The following CACNA2D3 variants were observed in gnomAD, a reference collection of about 807,000 sequenced individuals.
The protein encoded by CACNA2D3 is voltage-dependent calcium channel subunit alpha-2/delta-3.
Under a neutral mutation model 160.6 loss-of-function variants are expected in CACNA2D3, and 60 were observed. The observed-to-expected ratio is 0.37, with a 90% CI of 0.30 to 0.46. The LOEUF is 0.46. CACNA2D3 is among the 20% of genes least tolerant of loss of function. The pLI is 1.00. For synonymous variants in CACNA2D3, 558 were observed against 492.9 expected (o/e 1.13, Z -1.75); for missense variants, 1,205 against 1,365.0 (o/e 0.88, Z 1.85).
intron 4 of CACNA2D3, among the ~76,000 whole-genome samples, chr3:54,404,277 A>C (rs771982613): frequency 6.6e-6 from 1 of 152,158 alleles, no homozygotes; most frequent in Non-Finnish European, 1.5e-5. Context: ...TTCAAGAACA[A>C]ATCAAGAAGA....
intron 27 of CACNA2D3, among the ~76,000 whole-genome samples, chr3:54,912,250 G>C (rs138833449): frequency 6.6e-6 from 1 of 152,228 alleles, no homozygotes; most frequent in African/African-American, 2.4e-5. Context: ...CTTAATCTTG[G>C]AATGGATATC....
At chr3:54,791,479 C>A (rs1702756776) in intron 13 of CACNA2D3, among the ~76,000 whole-genome samples, 2 of 152,162 alleles carry the variant, frequency 1.3e-5, no homozygotes, top group Admixed American at 1.3e-4. Flanking sequence ...TTGCATAATT[C>A]TTTTAAAAAG....
At chr3:54,149,942 TC>T (rs1700114660) in intron 2 of CACNA2D3, among the ~76,000 whole-genome samples, 1 of 54,782 alleles carries the variant, frequency 1.8e-5, no homozygotes, top group Non-Finnish European at 3.4e-5. Flanking sequence ...CCTCCCTCCC[TC>T]CCTCCCTCCC....
chr3:54,152,584 A>G (rs1700171797), intron 2 of CACNA2D3, among the ~76,000 whole-genome samples: 1 of 152,174 alleles, frequency 6.6e-6, no homozygotes, highest in Non-Finnish European at 1.5e-5. Flanking sequence ...CGATGGACGC[A>G]CTGAGTGGTA....
At chr3:54,126,299 G>T (rs61578424) in intron 2 of CACNA2D3, among the ~76,000 whole-genome samples, 19,846 of 152,198 alleles carry the variant, frequency 0.13, 1,343 homozygotes, top group Middle Eastern at 0.24. Context: ...AAGGTGTTTA[G>T]TGACTGGGAA....
chr3:54,835,680 G>A (rs529107467), intron 14 of CACNA2D3, among the ~76,000 whole-genome samples: 3 of 152,154 alleles, frequency 2.0e-5, no homozygotes, highest in South Asian at 2.1e-4. Context: ...CAGAAAACAC[G>A]CTAGGTTGAA....
intron 35 of CACNA2D3, among the ~76,000 whole-genome samples, chr3:55,055,792 T>C (rs1165116876): frequency 1.3e-5 from 2 of 152,136 alleles, no homozygotes; most frequent in African/African-American, 4.8e-5. Context: ...TAAGCTTTTT[T>C]TGTGGCTATT....
intron 17 of CACNA2D3, among the ~76,000 whole-genome samples, chr3:54,868,406 A>C (rs1699451469): frequency 6.6e-6 from 1 of 152,172 alleles, no homozygotes; most frequent in South Asian, 2.1e-4. Flanking sequence ...GACTTGCTGG[A>C]ATATGGTGGC....
At chr3:54,216,025 G>A (rs1224956080) in intron 2 of CACNA2D3, among the ~76,000 whole-genome samples, 1 of 152,008 alleles carries the variant, frequency 6.6e-6, no homozygotes, top group Non-Finnish European at 1.5e-5. Context: ...TCCTGTGTTG[G>A]TCCCCCGAAT....
At chr3:54,949,464 C>T (rs1701700821) in intron 27 of CACNA2D3, among the ~76,000 whole-genome samples, 1 of 152,146 alleles carries the variant, frequency 6.6e-6, no homozygotes, top group Non-Finnish European at 1.5e-5. Context: ...AGGCAAGTTG[C>T]TAGCCTCTTT....
intron 2 of CACNA2D3, among the ~76,000 whole-genome samples, chr3:54,241,079 G>A (rs1042447762): frequency 2.0e-5 from 3 of 152,118 alleles, no homozygotes; most frequent in African/African-American, 7.2e-5. Context: ...CTTTCTTTTG[G>A]GTGCCCTCAA....
At chr3:54,133,153 G>T (rs1559857220) in intron 2 of CACNA2D3, among the ~76,000 whole-genome samples, 1 of 152,130 alleles carries the variant, frequency 6.6e-6, no homozygotes, top group East Asian at 1.9e-4. Context: ...CTCTACAAGG[G>T]GTTTTCGGCA....
rs139699053 is a variant in CACNA2D3 at position 54,535,780 on chromosome 3, T to C, written c.545-27020T>C. 3.2e-3 allele frequency among the ~76,000 whole-genome samples: 491 copies of C among 152,334 alleles called. 1 individual carries two copies. The highest frequency in any genetic ancestry group is 0.011 in the African/African-American group (463 of 41,586). On this transcript the variant is annotated intron_variant, in intron 5 of 37. Coordinates refer to ENST00000474759, the MANE Select transcript of CACNA2D3 (RefSeq NM_018398.3). Reference sequence around the variant, plus strand: ...AAGCTGGAGTTCACATCAGGACATATTGTCCAACTAAAAGTAGAAGCTGCA... The same window carrying C: ...AAGCTGGAGTTCACATCAGGACATACTGTCCAACTAAAAGTAGAAGCTGCA...
intron 5 of CACNA2D3, among the ~76,000 whole-genome samples, chr3:54,550,774 T>G (rs1362573838): frequency 6.6e-6 from 1 of 152,180 alleles, no homozygotes; most frequent in African/African-American, 2.4e-5. Context: ...TTGTCCTGGC[T>G]TCCTGCTGTG....
chr3:54,705,675 T>TAA (rs1700844456), intron 11 of CACNA2D3, among the ~76,000 whole-genome samples: 1 of 152,234 alleles, frequency 6.6e-6, no homozygotes, highest in African/African-American at 2.4e-5. Context: ...CCAATGTTCC[T>TAA]ATAACTAAAA....
chr3:54,383,989 C>T (rs1350862312), intron 3 of CACNA2D3, among the ~76,000 whole-genome samples: 1 of 152,146 alleles, frequency 6.6e-6, no homozygotes, highest in Non-Finnish European at 1.5e-5. Context: ...TACATACACA[C>T]ATATGTAAAT....
In CACNA2D3 at chr3:54,291,624, C is replaced by T. The variant is rs186098803; in HGVS notation, c.205-28818C>T. ...CCCAGCGAAACAGAACAGAGCCTGG[C>T]GGGAGCAGTTGGTTTTCTGAAACTT... On this transcript the variant is annotated intron_variant, in intron 2 of 37. Transcript: ENST00000474759. Among the ~76,000 whole-genome samples, 67 of 152,142 alleles carry T rather than the reference C, an allele frequency of 4.4e-4. No homozygotes were observed. The South Asian group carries it at 5.0e-3, about 11-fold the overall frequency.
intron 12 of CACNA2D3, among the ~76,000 whole-genome samples, chr3:54,763,767 A>ACATATTG (rs1194284799): frequency 1.7e-4 from 3 of 17,152 alleles, no homozygotes; most frequent in African/African-American, 2.2e-4. Context: ...ACACATATAT[A>ACATATTG]TGTATATATG....
intron 8 of CACNA2D3, among the ~76,000 whole-genome samples, chr3:54,574,962 G>A (rs1029740821): frequency 1.2e-4 from 18 of 152,222 alleles, no homozygotes; most frequent in Admixed American, 2.6e-4. Context: ...ATGCTTTGCC[G>A]CTGTGGATTT....
Sources: gnomAD v4.1 joint callset for allele counts (sites outside exome capture counted in the v4.1 genomes callset) on GRCh38, gnomAD v4.1.1 for gene constraint, MANE v1.5 for transcripts, NCBI Gene and HGNC (gene_info 2026-07-23, HGNC 2026-07-21) for gene names.